Variants in ALK observed in about 807,000 individuals in gnomAD.
The protein encoded by ALK is ALK tyrosine kinase receptor.
Under a neutral mutation model 163.1 loss-of-function variants are expected in ALK, and 74 were observed. The ratio of observed to expected loss-of-function variants is 0.45; its 90% CI spans 0.38 to 0.55. The LOEUF (loss-of-function observed/expected upper bound fraction) is 0.55. ALK is among the 20% of genes least tolerant of loss of function. The pLI is 0.00. For synonymous variants in ALK, 960 were observed against 843.2 expected, an observed-to-expected ratio of 1.14 and a Z score of -2.40; for missense variants, 2,063 against 2,105.3, an observed-to-expected ratio of 0.98 and a Z score of 0.39.
intron 4 of ALK, among the ~76,000 whole-genome samples, chr2:29,451,080 T>C (rs777139595): frequency 6.6e-6 from 1 of 152,224 alleles, no homozygotes; most frequent in African/African-American, 2.4e-5. Context: ...TGATGTTTGC[T>C]TGCTATAAAG....
intron 3 of ALK, among the ~76,000 whole-genome samples, chr2:29,551,231 A>G (rs956685243): frequency 6.6e-6 from 1 of 152,190 alleles, no homozygotes; most frequent in Non-Finnish European, 1.5e-5. Context: ...GGGAGTAAAT[A>G]TTTAGAAATG....
At chr2:29,899,918 C>T (rs1472510588) in intron 1 of ALK, among the ~76,000 whole-genome samples, 1 of 152,210 alleles carries the variant, frequency 6.6e-6, no homozygotes, top group Non-Finnish European at 1.5e-5. Context: ...CTGTTACTTG[C>T]AGCCAAATGT....
chr2:29,219,083 T>C (rs1669714361), intron 23 of ALK, among the ~76,000 whole-genome samples: 1 of 152,234 alleles, frequency 6.6e-6, no homozygotes, highest in Non-Finnish European at 1.5e-5. Flanking sequence ...GTAATCTCTC[T>C]GGGCCACCGT....
In ALK at chr2:29,320,821, G is replaced by A. The variant is rs1667014321; in HGVS notation, c.1476C>T (p.Gly492=). 2.5e-6 allele frequency: 4 copies of A among 1,614,140 alleles called. No homozygotes were observed. Among genetic ancestry groups the A allele is most frequent in the African/African-American group, 1.3e-5 (1 of 75,038 alleles). ...FEDGFCGWTQ[G]TLSPHTPQWQ... ...ATTGAGGAGTGTGGGGTGACAGTGT[G>A]CCTTGGGTCCAGCCACAGAAGCCAT... The change falls in exon 7 of 29, where the codon GGC becomes GGT. Residue 492 remains glycine (G), a synonymous_variant. Transcript: ENST00000389048.
chr2:29,700,674 C>T (rs1678708129), intron 2 of ALK, among the ~76,000 whole-genome samples: 1 of 152,188 alleles, frequency 6.6e-6, no homozygotes, highest in Admixed American at 6.5e-5. Context: ...ATACTCACTT[C>T]CTGAAATCTC....
At chr2:29,366,107 T>C (rs1668499788) in intron 5 of ALK, among the ~76,000 whole-genome samples, 1 of 152,160 alleles carries the variant, frequency 6.6e-6, no homozygotes, top group Non-Finnish European at 1.5e-5. Flanking sequence ...AATTACATCC[T>C]TGAGTCTAAA....
At chr2:29,908,868 C>T (rs1005828159) in intron 1 of ALK, among the ~76,000 whole-genome samples, 1 of 152,164 alleles carries the variant, frequency 6.6e-6, no homozygotes, top group African/African-American at 2.4e-5. Context: ...ACTTTGTCTG[C>T]CTTTTCTCCT....
At chr2:29,556,481 A>G (rs1329429197) in intron 3 of ALK, among the ~76,000 whole-genome samples, 3 of 152,322 alleles carry the variant, frequency 2.0e-5, no homozygotes, top group East Asian at 3.9e-4. Context: ...ACAACTTTCA[A>G]TGACGAGGGA....
chr2:29,917,121 T>C (rs1334416016), intron 1 of ALK, among the ~76,000 whole-genome samples: 13 of 152,246 alleles, frequency 8.5e-5, no homozygotes, highest in Admixed American at 7.2e-4. Context: ...TGGTGCTTTT[T>C]CATTTTTACT....
chr2:29,320,944 G>T, intron 6 of ALK, 62 bp from the exon 7 acceptor site: 1 of 1,609,606 alleles, frequency 6.2e-7, no homozygotes, highest in African/African-American at 1.3e-5. Flanking sequence ...ATATGCCAAT[G>T]CCAAGTCGAA....
chr2:29,585,852 G>A (rs184789683), intron 3 of ALK, among the ~76,000 whole-genome samples: 16 of 151,758 alleles, frequency 1.1e-4, no homozygotes, highest in Admixed American at 6.6e-5. Context: ...TTTTGTTCAA[G>A]TTTTTAATTA....
intron 1 of ALK, among the ~76,000 whole-genome samples, chr2:29,914,869 T>C (rs1319063660): frequency 6.6e-6 from 1 of 152,234 alleles, no homozygotes; most frequent in Admixed American, 6.5e-5. Flanking sequence ...ACTGTGGTTC[T>C]AGTCAGTATG....
rs971271760 is a variant in ALK at position 29,395,071 on chromosome 2, G to A, written c.1155-11212C>T. ...CTCCCGGGATTTCCCAGTCCTAGAAGCATCCTCCCTGCCCATGCTCAAATG... is the reference window on the plus strand; with the variant it reads ...CTCCCGGGATTTCCCAGTCCTAGAAACATCCTCCCTGCCCATGCTCAAATG... On this transcript the variant is annotated intron_variant, in intron 4 of 28. Coordinates refer to ENST00000389048, the MANE Select transcript of ALK (RefSeq NM_004304.5). Among the ~76,000 whole-genome samples, 9 of 152,128 alleles carry A rather than the reference G, an allele frequency of 5.9e-5. No individual in the cohort carries two copies. The East Asian group carries it at 9.7e-4, about 16-fold the overall frequency.
chr2:29,907,053 C>T (rs937509249), intron 1 of ALK: 1 of 146,352 alleles, frequency 6.8e-6, no homozygotes, highest in African/African-American at 2.5e-5. Context: ...AGGTTCACGC[C>T]ATTCTCCTGC....
intron 4 of ALK, among the ~76,000 whole-genome samples, chr2:29,481,410 C>G (rs1007984162): frequency 1.3e-5 from 2 of 152,182 alleles, no homozygotes; most frequent in African/African-American, 4.8e-5. Flanking sequence ...TTCCTGGAAA[C>G]TACAAGCTCC....
At chr2:29,790,835 G>A (rs1664168574) in intron 1 of ALK, among the ~76,000 whole-genome samples, 1 of 152,094 alleles carries the variant, frequency 6.6e-6, no homozygotes, top group Admixed American at 6.5e-5. Context: ...CCACCTGCCT[G>A]GTCCTCCCAG....
chr2:29,351,102 T>G (rs1213298578), intron 5 of ALK, among the ~76,000 whole-genome samples: 1 of 152,248 alleles, frequency 6.6e-6, no homozygotes, highest in Admixed American at 6.5e-5. Context: ...TTGCTCCTAT[T>G]TGAACATGGG....
At chr2:29,714,976 G>A (rs1679205377) in intron 2 of ALK, among the ~76,000 whole-genome samples, 1 of 152,106 alleles carries the variant, frequency 6.6e-6, no homozygotes, top group Admixed American at 6.5e-5. Context: ...TCTGAGGTCA[G>A]CCCACCGGGG....
At chr2:29,237,091 CT>C (rs1418392166) in intron 13 of ALK, among the ~76,000 whole-genome samples, 1 of 152,178 alleles carries the variant, frequency 6.6e-6, no homozygotes, top group Non-Finnish European at 1.5e-5. Context: ...TGACTCTTTT[CT>C]TTCTCTTAAT....
Sources: allele counts gnomAD v4.1 joint callset (sites outside exome capture counted in the v4.1 genomes callset), GRCh38; gene constraint gnomAD v4.1.1; transcripts MANE v1.5; gene names NCBI Gene and HGNC (gene_info 2026-07-23, HGNC 2026-07-21).